EPS8: variants seen among roughly 807,000 people sequenced by gnomAD.
EPS8 encodes the protein EGFR pathway substrate 8, signaling adaptor.
EPS8 carries 42 observed loss-of-function variants against 103.8 expected under a neutral mutation model. That is an observed-to-expected ratio of 0.40 (90% confidence interval 0.32 to 0.52). The LOEUF (loss-of-function observed/expected upper bound fraction) is 0.52, where lower values mean the gene tolerates loss of function less well. Ranked by LOEUF, EPS8 falls within the 20% of genes least tolerant of loss-of-function variation. EPS8 has a pLI of 0.40. For missense variants in EPS8, 969 were observed against 1,005.1 expected, an observed-to-expected ratio of 0.96 and a Z score of 0.49; for synonymous variants, 344 against 344.6, an observed-to-expected ratio of 1.00 and a Z score of 0.02.
intron 1 of EPS8, among the ~76,000 whole-genome samples, chr12:15,756,711 C>T (rs1487105737): frequency 1.3e-5 from 2 of 152,132 alleles, no homozygotes; most frequent in Non-Finnish European, 2.9e-5. Flanking sequence ...ATTCATTTAG[C>T]TCACTATTTC....
Position 15,761,817 on chromosome 12 carries a change from C to T in EPS8, c.-22+27344G>A, listed in dbSNP as rs1218302947. ...GATTAAAGACTTCAATCTAAGACCT[C>T]AAACTATGAAACTACTACAAGAAAA... On this transcript the variant is annotated intron_variant, in intron 1 of 20. Transcript: ENST00000281172. This position sits in a 1 kb window ranked among gnomAD's most constrained non-coding sequence, Gnocchi z 4.5. 6.6e-6 allele frequency among the ~76,000 whole-genome samples: 1 copy of T among 152,124 alleles called. No individual in the cohort carries two copies. Among genetic ancestry groups the T allele is most frequent in the African/African-American group, 2.4e-5 (1 of 41,444 alleles).
intron 1 of EPS8, among the ~76,000 whole-genome samples, chr12:15,741,392 G>A (rs1274417919): frequency 6.6e-6 from 1 of 152,128 alleles, no homozygotes; most frequent in Non-Finnish European, 1.5e-5. Context: ...ACTCAGTGGG[G>A]TCCTCTTGCC....
In EPS8 at chr12:15,653,239, T is replaced by C. The variant is rs536070938; in HGVS notation, c.1250+906A>G. Among the ~76,000 whole-genome samples the C allele has an allele frequency of 6.6e-5, 10 of 152,308 alleles. No homozygotes were observed. The South Asian group carries it at 1.9e-3, about 28-fold the overall frequency. ...CTGCCTCCAGTTACTTTTGTCCTTG[T>C]CCTTTCTAGCCTCAACTACCAGACT... is the stretch of plus-strand genomic sequence containing the variant. On this transcript the variant is annotated intron_variant, in intron 13 of 20. Transcript: ENST00000281172.
chr12:15,729,912 C>T (rs1946695111), intron 1 of EPS8, among the ~76,000 whole-genome samples: 1 of 152,052 alleles, frequency 6.6e-6, no homozygotes, highest in Non-Finnish European at 1.5e-5. Context: ...AGGTCTGTAC[C>T]TCCCCACACA....
chr12:15,705,855 A>C (rs1009574563), intron 1 of EPS8, among the ~76,000 whole-genome samples: 1 of 152,294 alleles, frequency 6.6e-6, no homozygotes, highest in South Asian at 2.1e-4. Flanking sequence ...GGAAAAACAG[A>C]CTTATGATAT....
At position 15,702,351 on chromosome 12, in the gene EPS8, CT is replaced by C. The variant is rs1946321829; in HGVS notation, c.-21-19380del. Among the ~76,000 whole-genome samples the C allele has an allele frequency of 6.6e-6, 1 of 152,160 alleles. No homozygotes were observed. The highest frequency in any genetic ancestry group is 1.5e-5 in the Non-Finnish European group (1 of 68,036). Reference sequence around the variant, plus strand: ...CGACAAGGTGAATAAAATTCTAGCACTGGAAATTAATTCATTCTTTTGAGTT... The same window carrying C: ...CGACAAGGTGAATAAAATTCTAGCACGGAAATTAATTCATTCTTTTGAGTT... On this transcript the variant is annotated intron_variant, in intron 1 of 20. Coordinates refer to ENST00000281172, the MANE Select transcript of EPS8 (RefSeq NM_004447.6). The surrounding 1 kb of genome is among the most constrained non-coding windows in gnomAD (Gnocchi z 5.1).
intron 1 of EPS8, among the ~76,000 whole-genome samples, chr12:15,740,322 A>G (rs1431729063): frequency 2.0e-5 from 3 of 152,056 alleles, no homozygotes; most frequent in African/African-American, 7.2e-5. Flanking sequence ...TGAGGCTGGC[A>G]GATCATGAGG....
intron 15 of EPS8, among the ~76,000 whole-genome samples, chr12:15,645,774 TA>T (rs1465055223): frequency 6.6e-6 from 1 of 151,730 alleles, no homozygotes; most frequent in Admixed American, 6.6e-5. Context: ...ATCAATCAAA[TA>T]AATCTACACT....
Position 15,761,214 on chromosome 12 carries a change from C to T in EPS8, c.-22+27947G>A, listed in dbSNP as rs895868046. 6.6e-6 allele frequency among the ~76,000 whole-genome samples: 1 copy of T among 151,686 alleles called. No individual in the cohort carries two copies. The highest frequency in any genetic ancestry group is 1.5e-5 in the Non-Finnish European group (1 of 67,872). ...AACAGCCACACATAAAATTAAATAC[C>T]TAGGAATTAACTAAAGAAGTGAAGA... On this transcript the variant is annotated intron_variant, in intron 1 of 20. Coordinates refer to ENST00000281172, the MANE Select transcript of EPS8 (RefSeq NM_004447.6). This position sits in a 1 kb window ranked among gnomAD's most constrained non-coding sequence, Gnocchi z 4.5.
At position 15,779,577 on chromosome 12, in the gene EPS8, T is replaced by C. The variant is rs1354377527; in HGVS notation, c.-22+9584A>G. On this transcript the variant is annotated intron_variant, in intron 1 of 20. Transcript: ENST00000281172. The surrounding 1 kb of genome is among the most constrained non-coding windows in gnomAD (Gnocchi z 4.3). ...TAAACCAACAAATATCTCAATAATA[T>C]ACATGTATTTCTATAATAAGGAATA... is the stretch of plus-strand genomic sequence containing the variant. Among the ~76,000 whole-genome samples the C allele has an allele frequency of 6.6e-6, 1 of 152,204 alleles. No individual in the cohort carries two copies. Among genetic ancestry groups the C allele is most frequent in the Non-Finnish European group, 1.5e-5 (1 of 68,040 alleles).
Position 15,721,105 on chromosome 12 carries a change from A to G in EPS8, c.-21-38133T>C, listed in dbSNP as rs1277133504. ...GTTTACCACTGTATCCCCAGCACTTAGTACAATAGTTGGCACATAATAGGT... is the reference window on the plus strand; with the variant it reads ...GTTTACCACTGTATCCCCAGCACTTGGTACAATAGTTGGCACATAATAGGT... On this transcript the variant is annotated intron_variant, in intron 1 of 20. Transcript: ENST00000281172. The surrounding 1 kb of genome is among the most constrained non-coding windows in gnomAD (Gnocchi z 4.4). Among the ~76,000 whole-genome samples the G allele has an allele frequency of 6.6e-6, 1 of 152,218 alleles. No individual in the cohort carries two copies. The highest frequency in any genetic ancestry group is 1.5e-5 in the Non-Finnish European group (1 of 68,036).
At position 15,640,838 on chromosome 12, in the gene EPS8, A is replaced by C; in HGVS notation, c.1686T>G (p.Asp562Glu). 6.2e-7 allele frequency: 1 copy of C among 1,613,694 alleles called. No individual in the cohort carries two copies. ...GAACTTTCCACCATTGCTTCCGATC[A>C]TCAAGTATCTGTCATGTACAAGAAA... ...VLKDDILEILDDRKQWWKVRN... is the reference protein window; with the variant it reads ...VLKDDILEILEDRKQWWKVRN... Residue 562 changes from aspartate to glutamate, a missense_variant, in exon 17 of 21, where the codon GAT (aspartate) becomes GAG (glutamate). Coordinates refer to ENST00000281172, the MANE Select transcript of EPS8 (RefSeq NM_004447.6).
chr12:15,731,228 C>G lies in EPS8; in HGVS notation c.-21-48256G>C, dbSNP rs765234657. On this transcript the variant is annotated intron_variant, in intron 1 of 20. Coordinates refer to ENST00000281172, the MANE Select transcript of EPS8 (RefSeq NM_004447.6). The surrounding 1 kb of genome is among the most constrained non-coding windows in gnomAD (Gnocchi z 5.1). Reference sequence around the variant, plus strand: ...CTGTAGCCTTGGAAATGTTTATTCTCTTTTCAAAGTATTTTGAAGACAAAT... The same window carrying G: ...CTGTAGCCTTGGAAATGTTTATTCTGTTTTCAAAGTATTTTGAAGACAAAT... Among the ~76,000 whole-genome samples, 3 of 152,090 alleles carry G rather than the reference C, an allele frequency of 2.0e-5. No homozygotes were observed. The highest frequency in any genetic ancestry group is 2.9e-5 in the Non-Finnish European group (2 of 67,994).
Position 15,771,514 on chromosome 12 carries a change from T to C in EPS8, c.-22+17647A>G, listed in dbSNP as rs970884509. On this transcript the variant is annotated intron_variant, in intron 1 of 20. Coordinates refer to ENST00000281172, the MANE Select transcript of EPS8 (RefSeq NM_004447.6). This position sits in a 1 kb window ranked among gnomAD's most constrained non-coding sequence, Gnocchi z 4.6. Reference sequence around the variant, plus strand: ...GGAATAGCTTAAGAAAATGGTCATATAGCCTTGAAACAGTGAAAAACTGAA... The same window carrying C: ...GGAATAGCTTAAGAAAATGGTCATACAGCCTTGAAACAGTGAAAAACTGAA... Among the ~76,000 whole-genome samples, 17 of 152,168 alleles carry C rather than the reference T, an allele frequency of 1.1e-4. No homozygotes were observed. Among genetic ancestry groups the C allele is most frequent in the African/African-American group, 3.9e-4 (16 of 41,458 alleles).
chr12:15,775,179 C>G (rs984009416), intron 1 of EPS8, among the ~76,000 whole-genome samples: 3 of 152,178 alleles, frequency 2.0e-5, no homozygotes, highest in Admixed American at 2.0e-4. Flanking sequence ...CTTAAAGTTA[C>G]CCACATTCAA....
chr12:15,663,860 G>A (rs547234357), intron 8 of EPS8, among the ~76,000 whole-genome samples: 2 of 144,156 alleles, frequency 1.4e-5, no homozygotes, highest in African/African-American at 5.3e-5. Context: ...GACAAAGGTT[G>A]CAGTAAGCTG....
rs1947106836 is a variant in EPS8, at chr12:15,767,127, A to G, written c.-22+22034T>C. Among the ~76,000 whole-genome samples, 1 of 152,222 alleles carries G rather than the reference A, an allele frequency of 6.6e-6. No individual in the cohort carries two copies. The highest frequency in any genetic ancestry group is 1.5e-5 in the Non-Finnish European group (1 of 68,040). On this transcript the variant is annotated intron_variant, in intron 1 of 20. Coordinates refer to ENST00000281172, the MANE Select transcript of EPS8 (RefSeq NM_004447.6). The surrounding 1 kb of genome is among the most constrained non-coding windows in gnomAD (Gnocchi z 5.5). ...GCCTGGCAAATAGCACCTAAGAACA[A>G]GAGATTGCATGACTACTTCTAATAT... is the stretch of plus-strand genomic sequence containing the variant.
At chr12:15,640,440 C>T (rs1945208497) in intron 17 of EPS8, among the ~76,000 whole-genome samples, 1 of 152,148 alleles carries the variant, frequency 6.6e-6, no homozygotes, top group South Asian at 2.1e-4. Flanking sequence ...AGAAATACTA[C>T]AGATTGGGGA....
rs1213081518 is a variant in EPS8 at position 15,748,456 on chromosome 12, T to G, written c.-22+40705A>C. On this transcript the variant is annotated intron_variant, in intron 1 of 20. Transcript: ENST00000281172. This position sits in a 1 kb window ranked among gnomAD's most constrained non-coding sequence, Gnocchi z 4.8. Reference sequence around the variant, plus strand: ...TAAGTCTGGGTTTTTACACATCTTGTTTTTTTTTAAAGTAGGACACACAAA... The same window carrying G: ...TAAGTCTGGGTTTTTACACATCTTGGTTTTTTTTAAAGTAGGACACACAAA... 6.8e-6 allele frequency among the ~76,000 whole-genome samples: 1 copy of G among 146,940 alleles called. No individual in the cohort carries two copies. The highest frequency in any genetic ancestry group is 2.7e-5 in the African/African-American group (1 of 37,068).
Sources: gnomAD v4.1 joint callset for allele counts (sites outside exome capture counted in the v4.1 genomes callset) on GRCh38, gnomAD v4.1.1 for gene constraint, Gnocchi (gnomAD v3.1) non-coding constraint, MANE v1.5 for transcripts, NCBI Gene and HGNC (gene_info 2026-07-23, HGNC 2026-07-21) for gene names.